The following HDAC1 variants were observed in gnomAD, a reference collection of about 807,000 sequenced individuals.
HDAC1 encodes the protein histone deacetylase 1.
Under a neutral mutation model 65.5 loss-of-function variants are expected in HDAC1, and 18 were observed. The observed-to-expected ratio is 0.27, with a 90% CI of 0.19 to 0.41. HDAC1 has a LOEUF of 0.41. Among genes scored for constraint, HDAC1 ranks in the 10% least tolerant of loss-of-function variants. The pLI is 1.00. For synonymous variants in HDAC1, 211 were observed against 227.9 expected, an observed-to-expected ratio of 0.93 and a Z score of 0.67; for missense variants, 373 against 625.2, an observed-to-expected ratio of 0.60 and a Z score of 4.30.
intron 2 of HDAC1, among the ~76,000 whole-genome samples, chr1:32,311,958 T>TA (rs977968310): frequency 6.6e-6 from 1 of 152,116 alleles, no homozygotes; most frequent in Non-Finnish European, 1.5e-5. Flanking sequence ...CTTAGTATAG[T>TA]AAAAAAACAA....
rs2148072223 is a variant in HDAC1, at chr1:32,330,656, C to T, written c.808C>T (p.Arg270Trp). The T allele has an allele frequency of 6.2e-7, 1 of 1,613,558 alleles. No individual in the cohort carries two copies. The highest frequency in any genetic ancestry group is 8.5e-7 in the Non-Finnish European group (1 of 1,179,496). Residue 270 changes from arginine (R) to tryptophan (W), a missense_variant, in exon 8 of 14, where the codon CGG becomes TGG. By Grantham distance (101) the Arg-to-Trp change is moderately radical. Transcript: ENST00000373548. This position sits in a 1 kb window ranked among gnomAD's most constrained non-coding sequence, Gnocchi z 4.2. Reference sequence around the variant, plus strand: ...TGGCTCAGACTCCCTATCTGGGGATCGGTTAGGTTGCTTCAATCTAACTAT... The same window carrying T: ...TGGCTCAGACTCCCTATCTGGGGATTGGTTAGGTTGCTTCAATCTAACTAT... ...QCGSDSLSGD[R>W]LGCFNLTIKG...
intron 1 of HDAC1, among the ~76,000 whole-genome samples, chr1:32,297,366 A>T (rs1370952951): frequency 6.6e-6 from 1 of 151,810 alleles, no homozygotes; most frequent in African/African-American, 2.4e-5. Context: ...ACAAAATGAG[A>T]CCTCCCCCAG....
chr1:32,306,198 T>C (rs1640909000), intron 2 of HDAC1, among the ~76,000 whole-genome samples: 2 of 151,672 alleles, frequency 1.3e-5, no homozygotes, highest in South Asian at 2.1e-4. Flanking sequence ...TTTTCTTTTT[T>C]TTTTTTTTTG....
At chr1:32,318,133 A>G (rs970935441) in intron 3 of HDAC1, among the ~76,000 whole-genome samples, 1 of 152,078 alleles carries the variant, frequency 6.6e-6, no homozygotes, top group African/African-American at 2.4e-5. Flanking sequence ...CTAATTTTGT[A>G]TTTTTAGGTT....
intron 3 of HDAC1, among the ~76,000 whole-genome samples, chr1:32,321,123 T>G (rs1218317933): frequency 6.8e-6 from 1 of 147,846 alleles, no homozygotes; most frequent in Non-Finnish European, 1.5e-5. Context: ...CCCAGCTACT[T>G]GGGAGGCTGA....
chr1:32,331,484 C>T lies in HDAC1; in HGVS notation c.990C>T (p.Tyr330=), dbSNP rs371949315. Residue 330 remains tyrosine, a synonymous_variant, in exon 10 of 14, where the codon TAC becomes TAT. Coordinates refer to ENST00000373548, the MANE Select transcript of HDAC1 (RefSeq NM_004964.3). This position sits in a 1 kb window ranked among gnomAD's most constrained non-coding sequence, Gnocchi z 4.2. The part of the protein sequence containing the change: ...LDTEIPNELP[Y]NDYFEYFGPD... Reference sequence around the variant, plus strand: ...TCCTGCCCCAATCAGAGCTTCCATACAATGACTACTTTGAATACTTTGGAC... The same window carrying T: ...TCCTGCCCCAATCAGAGCTTCCATATAATGACTACTTTGAATACTTTGGAC... 6.0e-5 allele frequency: 96 copies of T among 1,602,876 alleles called. No homozygotes were observed. Among genetic ancestry groups the T allele is most frequent in the Non-Finnish European group, 8.0e-5 (94 of 1,169,850 alleles).
chr1:32,319,694 C>G (rs1641113350), intron 3 of HDAC1, among the ~76,000 whole-genome samples: 3 of 151,876 alleles, frequency 2.0e-5, no homozygotes, highest in South Asian at 4.1e-4. Flanking sequence ...GCCAGGAGTT[C>G]AAGACCAGCC....
chr1:32,314,714 T>C (rs1394635484), intron 2 of HDAC1, among the ~76,000 whole-genome samples: 2 of 150,580 alleles, frequency 1.3e-5, no homozygotes, highest in African/African-American at 4.9e-5. Context: ...TAGTCCCAGC[T>C]ACTTGGGAGG....
At position 32,330,692 on chromosome 1, in the gene HDAC1, A is replaced by G. The variant is rs1641279349; in HGVS notation, c.838+6A>G. On this transcript the variant is annotated splice_donor_region_variant and intron_variant, in intron 8 of 13. Coordinates refer to ENST00000373548, the MANE Select transcript of HDAC1 (RefSeq NM_004964.3). The surrounding 1 kb of genome is among the most constrained non-coding windows in gnomAD (Gnocchi z 4.2). ...CTTCAATCTAACTATCAAAGGTGAG[A>G]CCAGGTAGCACAAGGATGGGTGGGC... is the stretch of plus-strand genomic sequence containing the variant. 6.2e-7 allele frequency: 1 copy of G among 1,613,670 alleles called. No homozygotes were observed.
Position 32,306,741 on chromosome 1 carries a change from T to C in HDAC1, c.162+4008T>C, listed in dbSNP as rs1640916103. On this transcript the variant is annotated intron_variant, in intron 2 of 13. Transcript: ENST00000373548. Reference sequence around the variant, plus strand: ...GATTTTTGACTGTGGGATAATGCAGTAGGCCACTCTTATCTGAGGGGGGAT... The same window carrying C: ...GATTTTTGACTGTGGGATAATGCAGCAGGCCACTCTTATCTGAGGGGGGAT... Among the ~76,000 whole-genome samples the C allele has an allele frequency of 2.0e-5, 3 of 152,146 alleles. No individual in the cohort carries two copies. In the South Asian group the frequency reaches 6.2e-4, roughly 31 times the overall value.
At position 32,330,040 on chromosome 1, in the gene HDAC1, G is replaced by GTTTCTTACTGTTATAAC. The variant is rs1641269571; in HGVS notation, c.730-537_730-536insTTCTTACTGTTATAACT. ...GGAGTTAAATCTTCACTTATAAACA[G>GTTTCTTACTGTTATAAC]TAAGAAACTGCTTAACCTAATAAGG... On this transcript the variant is annotated intron_variant, in intron 7 of 13. Coordinates refer to ENST00000373548, the MANE Select transcript of HDAC1 (RefSeq NM_004964.3). This position sits in a 1 kb window ranked among gnomAD's most constrained non-coding sequence, Gnocchi z 4.2. 6.3e-6 allele frequency: 1 copy of GTTTCTTACTGTTATAAC among 159,774 alleles called. No individual in the cohort carries two copies. Among genetic ancestry groups the GTTTCTTACTGTTATAAC allele is most frequent in the African/African-American group, 2.4e-5 (1 of 41,460 alleles). 9.9% of individuals were successfully genotyped at this position (159,774 alleles called of 1,614,324 possible).
intron 2 of HDAC1, among the ~76,000 whole-genome samples, chr1:32,315,066 G>A (rs1486830873): frequency 1.3e-5 from 2 of 152,050 alleles, no homozygotes; most frequent in Non-Finnish European, 2.9e-5. Flanking sequence ...TTGTTGTATT[G>A]GTAATTAGAG....
chr1:32,331,261 C>T lies in HDAC1; in HGVS notation c.980-213C>T, dbSNP rs577409225. On this transcript the variant is annotated intron_variant, in intron 9 of 13. Coordinates refer to ENST00000373548, the MANE Select transcript of HDAC1 (RefSeq NM_004964.3). This position sits in a 1 kb window ranked among gnomAD's most constrained non-coding sequence, Gnocchi z 4.2. ...ACCAGGGACATGGGCCTTCTCCTAG[C>T]GACATATACACCACTGGTACAGACA... 1.3e-5 allele frequency among the ~76,000 whole-genome samples: 2 copies of T among 152,060 alleles called. No individual in the cohort carries two copies. The highest frequency in any genetic ancestry group is 2.4e-5 in the African/African-American group (1 of 41,382).
At chr1:32,304,626 G>A (rs1209927538) in intron 2 of HDAC1, among the ~76,000 whole-genome samples, 1 of 151,858 alleles carries the variant, frequency 6.6e-6, no homozygotes, top group African/African-American at 2.4e-5. Flanking sequence ...CTAGAGTGCA[G>A]TGGTGCAATC....
chr1:32,304,024 A>G (rs534627840), intron 2 of HDAC1, among the ~76,000 whole-genome samples: 4 of 152,324 alleles, frequency 2.6e-5, no homozygotes, highest in Admixed American at 2.6e-4. Context: ...TTTAAATGAA[A>G]GAGAGATAGG....
At chr1:32,324,724 C>CT (rs1363862868) in intron 4 of HDAC1, among the ~76,000 whole-genome samples, 171 bp downstream of exon 4, 1 of 152,066 alleles carries the variant, frequency 6.6e-6, no homozygotes, top group African/African-American at 2.4e-5. Context: ...AATCCCAGCA[C>CT]TTTGAGAGGC....
intron 13 of HDAC1, 84 bp from the exon 14 acceptor site, chr1:32,332,933 G>A: frequency 2.1e-6 from 3 of 1,427,934 alleles, no homozygotes; most frequent in Non-Finnish European, 2.9e-6. Flanking sequence ...TAGTCACCTA[G>A]GATCCTGTGG....
At chr1:32,312,445 C>G (rs1179614697) in intron 2 of HDAC1, among the ~76,000 whole-genome samples, 1 of 152,036 alleles carries the variant, frequency 6.6e-6, no homozygotes, top group Non-Finnish European at 1.5e-5. Context: ...ACTGCAACCT[C>G]TGCCTCCTGG....
Position 32,327,721 on chromosome 1 carries a change from C to G in HDAC1, c.636+44C>G, listed in dbSNP as rs1247120142. On this transcript the variant is annotated intron_variant, in intron 6 of 13. Transcript: ENST00000373548. The surrounding 1 kb of genome is among the most constrained non-coding windows in gnomAD (Gnocchi z 6.0). ...AGCCAACCGGCTTACCCTCAGCTGG[C>G]AGCTCTACTTCTCTCTCCTATCTCA... 1.9e-6 allele frequency: 3 copies of G among 1,594,898 alleles called. No individual in the cohort carries two copies. Among genetic ancestry groups the G allele is most frequent in the South Asian group, 2.2e-5 (2 of 90,624 alleles).
Sources: gnomAD v4.1 joint callset for allele counts (sites outside exome capture counted in the v4.1 genomes callset) on GRCh38, gnomAD v4.1.1 for gene constraint, Gnocchi (gnomAD v3.1) non-coding constraint, MANE v1.5 for transcripts, NCBI Gene and HGNC (gene_info 2026-07-23, HGNC 2026-07-21) for gene names.